Variants in BAIAP2 observed in about 807,000 individuals in gnomAD.
BAIAP2 encodes the protein BAR/IMD domain-containing adapter protein 2.
In BAIAP2, 18 loss-of-function variants were observed where a neutral mutation model predicts 63.0. That is an observed-to-expected ratio of 0.29 (90% CI 0.20 to 0.42). BAIAP2 has a LOEUF of 0.42. Ranked by LOEUF, BAIAP2 falls within the 10% of genes least tolerant of loss-of-function variation. The pLI is 1.00. For missense variants in BAIAP2, 610 were observed against 734.3 expected (o/e 0.83, Z 1.96); for synonymous variants, 386 against 307.6 (o/e 1.25, Z -2.67).
In BAIAP2 at chr17:81,035,284, C is replaced by T; in HGVS notation, c.30C>T (p.His10=). The T allele has an allele frequency of 6.6e-7, 1 of 1,515,792 alleles. No homozygotes were observed. The highest frequency in any genetic ancestry group is 8.9e-7 in the Non-Finnish European group (1 of 1,127,970). 93.9% of individuals were successfully genotyped at this position (1,515,792 alleles called of 1,614,324 possible). Residue 10 remains histidine (H), a synonymous_variant, in exon 1 of 14, where the codon CAC becomes CAT. Transcript: ENST00000428708. MSLSRSEEM[H]RLTENVYKTI... Reference sequence around the variant, plus strand: ...CTCTGTCTCGCTCAGAGGAGATGCACCGGCTCACGGAAAATGTCTATAAGG... The same window carrying T: ...CTCTGTCTCGCTCAGAGGAGATGCATCGGCTCACGGAAAATGTCTATAAGG...
At chr17:81,115,633 G>T (rs2060468653) in intron 13 of BAIAP2, 137 bp from the exon 14 acceptor site, 1 of 1,051,500 alleles carries the variant, frequency 9.5e-7, no homozygotes, top group Non-Finnish European at 1.4e-6. Context: ...AGCGTATATT[G>T]TCTGTGAGCT....
chr17:81,060,702 TC>T (rs1176982126), intron 3 of BAIAP2, among the ~76,000 whole-genome samples: 1 of 152,132 alleles, frequency 6.6e-6, no homozygotes, highest in African/African-American at 2.4e-5. Flanking sequence ...AAGCAACACA[TC>T]CTTGTTTCAA....
intron 13 of BAIAP2, chr17:81,111,107 C>T (rs2059877286): frequency 4.3e-6 from 4 of 934,292 alleles, no homozygotes; most frequent in Non-Finnish European, 3.3e-6. Context: ...ACTCTGGGTG[C>T]TGGGCCTTCT....
At chr17:81,038,900 TGG>T (rs886695516) in intron 1 of BAIAP2, among the ~76,000 whole-genome samples, 8 of 7,872 alleles carry the variant, frequency 1.0e-3, no homozygotes, top group Non-Finnish European at 2.8e-3. Context: ...CCTTCCTGGG[TGG>T]GGGGGGCAGC....
intron 6 of BAIAP2, among the ~76,000 whole-genome samples, chr17:81,090,160 G>A (rs1156699989): frequency 6.6e-6 from 1 of 151,784 alleles, no homozygotes; most frequent in Non-Finnish European, 1.5e-5. Context: ...GCTTAGGCTT[G>A]GATCTGGCTC....
chr17:81,084,960 T>C, intron 4 of BAIAP2, 67 bp downstream of exon 4: 2 of 1,517,924 alleles, frequency 1.3e-6, no homozygotes. Context: ...GCGCCACACC[T>C]TGGCCGTGTG....
intron 1 of BAIAP2, among the ~76,000 whole-genome samples, chr17:81,049,014 C>G (rs549276071): frequency 4.5e-4 from 68 of 152,354 alleles, no homozygotes; most frequent in South Asian, 1.0e-3. Flanking sequence ...AGGACCCCCC[C>G]TGGGGTGGGA....
intron 3 of BAIAP2, among the ~76,000 whole-genome samples, chr17:81,061,932 T>C (rs769496518): frequency 2.0e-5 from 3 of 152,188 alleles, no homozygotes; most frequent in Non-Finnish European, 4.4e-5. Context: ...GGGCCTTTCC[T>C]TTTTGTAATA....
intron 2 of BAIAP2, among the ~76,000 whole-genome samples, chr17:81,055,916 C>G (rs893441155): frequency 2.0e-5 from 3 of 152,078 alleles, no homozygotes; most frequent in Non-Finnish European, 2.9e-5. Flanking sequence ...GGCAGTGACC[C>G]CCGTCCCCCA....
chr17:81,038,896 TGGG>T (rs1200189738), intron 1 of BAIAP2, among the ~76,000 whole-genome samples: 3 of 23,710 alleles, frequency 1.3e-4, no homozygotes, highest in Non-Finnish European at 2.8e-4. Context: ...GTCGCCTTCC[TGGG>T]TGGGGGGGGC....
Position 81,115,961 on chromosome 17 carries a change from C to T in BAIAP2, c.*122C>T. On this transcript the variant is annotated 3_prime_UTR_variant, in exon 14 of 14. Coordinates refer to ENST00000428708, the MANE Select transcript of BAIAP2 (RefSeq NM_001144888.2). ...CCAGGCCCCGGCTGCCTGGTCTTGCCCCACTTGAGTCTGGCCTGGACTGGA... is the reference window on the plus strand; with the variant it reads ...CCAGGCCCCGGCTGCCTGGTCTTGCTCCACTTGAGTCTGGCCTGGACTGGA... 6.6e-7 allele frequency: 1 copy of T among 1,519,544 alleles called. No individual in the cohort carries two copies. The highest frequency in any genetic ancestry group is 8.8e-7 in the Non-Finnish European group (1 of 1,133,842). 94.1% of individuals were successfully genotyped at this position (1,519,544 alleles called of 1,614,324 possible).
chr17:81,101,595 T>C (rs988779690), intron 7 of BAIAP2, among the ~76,000 whole-genome samples: 6 of 151,776 alleles, frequency 4.0e-5, no homozygotes, highest in Admixed American at 3.9e-4. Context: ...TGACACTTGT[T>C]CCCCCCACCC....
chr17:81,035,321 C>A lies in BAIAP2; in HGVS notation c.54+13C>A. 7.1e-7 allele frequency: 1 copy of A among 1,417,398 alleles called. No individual in the cohort carries two copies. Among genetic ancestry groups the A allele is most frequent in the East Asian group, 3.3e-5 (1 of 30,580 alleles). The allele number at this position is 1,417,398 out of a possible 1,614,324, so 87.8% of individuals were successfully genotyped here. A position where few individuals can be genotyped will look rare whatever the true frequency, so the allele number is the denominator to read the frequency against. ...AAATGTCTATAAGGTGAGCGCCCCCCGGCGCCGAGCTGAGCCCGCTCCGTG... is the reference window on the plus strand; with the variant it reads ...AAATGTCTATAAGGTGAGCGCCCCCAGGCGCCGAGCTGAGCCCGCTCCGTG... On this transcript the variant is annotated intron_variant, in intron 1 of 13. Coordinates refer to ENST00000428708, the MANE Select transcript of BAIAP2 (RefSeq NM_001144888.2).
chr17:81,071,534 C>T (rs776800958), intron 3 of BAIAP2, among the ~76,000 whole-genome samples: 3 of 152,370 alleles, frequency 2.0e-5, no homozygotes, highest in Middle Eastern at 3.4e-3. Context: ...CACAGAGCCC[C>T]TCTTCCACCA....
At chr17:81,066,744 C>A (rs2051535797) in intron 3 of BAIAP2, among the ~76,000 whole-genome samples, 1 of 152,346 alleles carries the variant, frequency 6.6e-6, no homozygotes, top group Middle Eastern at 3.4e-3. Flanking sequence ...CCTGGTAGGG[C>A]CTCCTGCTCT....
At position 81,117,319 on chromosome 17, in the gene BAIAP2, T is replaced by G. The variant is rs1325870858; in HGVS notation, c.*1480T>G. 5 of 152,222 alleles carry G rather than the reference T, an allele frequency of 3.3e-5. No homozygotes were observed. 9.4% of individuals were successfully genotyped at this position (152,222 alleles called of 1,614,324 possible). On this transcript the variant is annotated 3_prime_UTR_variant, in exon 14 of 14. Coordinates refer to ENST00000428708, the MANE Select transcript of BAIAP2 (RefSeq NM_001144888.2). ...GTTTCTTTTGTCTTAGCTTCATTTC[T>G]CTTAAAAAACAAGGAACAAGAAAAC...
chr17:81,102,752 C>T (rs916149476), intron 7 of BAIAP2, among the ~76,000 whole-genome samples: 3 of 152,122 alleles, frequency 2.0e-5, no homozygotes, highest in East Asian at 1.9e-4. Context: ...CAGTGAAAGC[C>T]GGAGAGGCCC....
At chr17:81,109,169 T>C in intron 13 of BAIAP2, 1 of 1,431,654 alleles carries the variant, frequency 7.0e-7, no homozygotes, top group Non-Finnish European at 9.1e-7. Flanking sequence ...CCAGGGTCCA[T>C]GGTGCTGCTC....
rs575837015 is a variant in BAIAP2 at position 81,116,465 on chromosome 17, C to T, written c.*626C>T. ...CAGGCCCCTCCTGCCTCGGGCAGGC[C>T]CCAGCCCTCCTCCTTACCCAACCTC... On this transcript the variant is annotated 3_prime_UTR_variant, in exon 14 of 14. Coordinates refer to ENST00000428708, the MANE Select transcript of BAIAP2 (RefSeq NM_001144888.2). The T allele has an allele frequency of 1.1e-6, 1 of 918,988 alleles. No individual in the cohort carries two copies. Among genetic ancestry groups the T allele is most frequent in the Non-Finnish European group, 1.6e-6 (1 of 622,748 alleles). 56.9% of individuals were successfully genotyped at this position (918,988 alleles called of 1,614,324 possible).
Sources: gnomAD v4.1 joint callset for allele counts (sites outside exome capture counted in the v4.1 genomes callset) on GRCh38, gnomAD v4.1.1 for gene constraint, MANE v1.5 for transcripts, NCBI Gene and HGNC (gene_info 2026-07-23, HGNC 2026-07-21) for gene names.